Variants in SHB observed in about 807,000 individuals in gnomAD.
The protein encoded by SHB is SH2 domain containing adaptor protein B, also known as SH2 domain-containing adapter protein B.
A neutral mutation model predicts 52.3 loss-of-function variants in SHB; 20 were observed. That is an observed-to-expected ratio of 0.38 (90% CI 0.27 to 0.56). SHB has a LOEUF of 0.56. Ranked by LOEUF, SHB falls within the 20% of genes least tolerant of loss-of-function variation. SHB has a pLI of 0.71. For synonymous variants in SHB, 397 were observed against 316.5 expected (o/e 1.25, Z -2.70); for missense variants, 825 against 723.3 (o/e 1.14, Z -1.61).
chr9:38,048,587 T>G (rs1254613131), intron 1 of SHB, among the ~76,000 whole-genome samples: 1 of 152,210 alleles, frequency 6.6e-6, no homozygotes, highest in African/African-American at 2.4e-5. Context: ...TGAGCTATGA[T>G]GGCACTGTTG....
chr9:38,022,337 G>A lies in SHB; in HGVS notation c.718-6206C>T, dbSNP rs994620077. Among the ~76,000 whole-genome samples, 6 of 152,116 alleles carry A rather than the reference G, an allele frequency of 3.9e-5. No homozygotes were observed. In the South Asian group the frequency reaches 6.2e-4, roughly 16 times the overall value. On this transcript the variant is annotated intron_variant, in intron 1 of 5. Coordinates refer to ENST00000377707, the MANE Select transcript of SHB (RefSeq NM_003028.3). Reference sequence around the variant, plus strand: ...AAGGCAGCAGGTGCACAGATGCGACGCGTCGACTGCATCGTAATTCAACAC... The same window carrying A: ...AAGGCAGCAGGTGCACAGATGCGACACGTCGACTGCATCGTAATTCAACAC...
In SHB at chr9:37,974,644, C is replaced by T; in HGVS notation, c.1032G>A (p.Arg344=). 6.2e-7 allele frequency: 1 copy of T among 1,613,128 alleles called. No individual in the cohort carries two copies. The highest frequency in any genetic ancestry group is 8.5e-7 in the Non-Finnish European group (1 of 1,179,870). The change falls in exon 3 of 6, where the codon CGG becomes CGA. Residue 344 remains arginine (R), a synonymous_variant. Transcript: ENST00000377707. ...DEYDQPWEWN[R]VTIPALAAQF... ...TACCTGCCAGGGCTGGGATGGTGAC[C>T]CGGTTCCACTCCCAAGGCTGGTCGT...
chr9:37,976,669 C>T (rs1056885224), intron 2 of SHB, among the ~76,000 whole-genome samples: 5 of 152,066 alleles, frequency 3.3e-5, no homozygotes, highest in Non-Finnish European at 1.5e-5. Flanking sequence ...GTATATTCAC[C>T]GTCCATGTTG....
chr9:37,977,854 C>T (rs573637458), intron 2 of SHB, among the ~76,000 whole-genome samples: 1 of 152,290 alleles, frequency 6.6e-6, no homozygotes, highest in South Asian at 2.1e-4. Context: ...AAAAGCAGGA[C>T]CAGCAACCAC....
chr9:37,981,244 C>T (rs1393430073), intron 2 of SHB, among the ~76,000 whole-genome samples: 2 of 152,224 alleles, frequency 1.3e-5, no homozygotes, highest in African/African-American at 2.4e-5. Flanking sequence ...CCACCTTCAT[C>T]GATGACCTCA....
chr9:38,015,656 C>G (rs1203771724), intron 2 of SHB, among the ~76,000 whole-genome samples: 1 of 152,216 alleles, frequency 6.6e-6, no homozygotes, highest in Non-Finnish European at 1.5e-5. Flanking sequence ...CTACGAAGCT[C>G]TAAGTAAAGT....
chr9:37,931,881 T>C (rs1347782081), intron 5 of SHB, among the ~76,000 whole-genome samples: 3 of 152,328 alleles, frequency 2.0e-5, no homozygotes, highest in Middle Eastern at 3.4e-3. Flanking sequence ...CTGTGGTGTA[T>C]GTATGACAGA....
At chr9:37,995,673 G>A (rs183461848) in intron 2 of SHB, among the ~76,000 whole-genome samples, 1 of 152,302 alleles carries the variant, frequency 6.6e-6, no homozygotes, top group East Asian at 1.9e-4. Flanking sequence ...ATTAATATCA[G>A]AAGGAATATT....
At chr9:37,947,596 T>C (rs1335386783) in intron 5 of SHB, among the ~76,000 whole-genome samples, 1 of 152,222 alleles carries the variant, frequency 6.6e-6, no homozygotes, top group African/African-American at 2.4e-5. Context: ...CTGCAGTTTG[T>C]CACTGTCTCT....
At chr9:38,066,644 C>G (rs1408236766) in intron 1 of SHB, among the ~76,000 whole-genome samples, 2 of 152,196 alleles carry the variant, frequency 1.3e-5, no homozygotes, top group African/African-American at 4.8e-5. Context: ...GTGGGATCTT[C>G]CACGGACTGC....
intron 2 of SHB, among the ~76,000 whole-genome samples, chr9:37,988,294 C>T (rs1820836588): frequency 6.6e-6 from 1 of 152,202 alleles, no homozygotes; most frequent in Non-Finnish European, 1.5e-5. Context: ...TGGCCAGCTG[C>T]CTGATCCATC....
intron 5 of SHB, among the ~76,000 whole-genome samples, chr9:37,945,157 CCAGA>C (rs1401185936): frequency 6.6e-6 from 1 of 152,218 alleles, no homozygotes; most frequent in African/African-American, 2.4e-5. Flanking sequence ...ATGAAAATGG[CCAGA>C]GGCGGATAAC....
At position 37,918,360 on chromosome 9, in the gene SHB, C is replaced by T. The variant is rs532408866; in HGVS notation, c.*1461G>A. 1.5e-4 allele frequency among the ~76,000 whole-genome samples: 22 copies of T among 147,540 alleles called. No individual in the cohort carries two copies. In the South Asian group the frequency reaches 4.8e-3, roughly 32 times the overall value. On this transcript the variant is annotated 3_prime_UTR_variant, in exon 6 of 6. Coordinates refer to ENST00000377707, the MANE Select transcript of SHB (RefSeq NM_003028.3). ...CTGCTATGGCAAGCAAGAGAGAGGTCGCGTGTGCGTGTGCGTGTGTAGGTG... is the reference window on the plus strand; with the variant it reads ...CTGCTATGGCAAGCAAGAGAGAGGTTGCGTGTGCGTGTGCGTGTGTAGGTG...
intron 2 of SHB, among the ~76,000 whole-genome samples, chr9:37,995,033 G>A (rs1411795510): frequency 6.6e-6 from 1 of 152,146 alleles, no homozygotes; most frequent in Non-Finnish European, 1.5e-5. Flanking sequence ...TCATCTGCTT[G>A]CATTTGGCAC....
chr9:38,067,328 G>A (rs774946836), intron 1 of SHB, among the ~76,000 whole-genome samples: 2 of 152,168 alleles, frequency 1.3e-5, no homozygotes, highest in African/African-American at 4.8e-5. Flanking sequence ...CATTTCAACC[G>A]GAAAAGCACG....
At chr9:37,945,282 C>T (rs557776138) in intron 5 of SHB, among the ~76,000 whole-genome samples, 1 of 152,348 alleles carries the variant, frequency 6.6e-6, no homozygotes, top group South Asian at 2.1e-4. Flanking sequence ...AGAGATCAGG[C>T]CCCTCACTTG....
intron 2 of SHB, among the ~76,000 whole-genome samples, chr9:37,980,613 T>TA (rs1820713374): frequency 6.6e-6 from 1 of 152,232 alleles, no homozygotes. Flanking sequence ...CAAATGTACT[T>TA]AATGGCTTCT....
intron 2 of SHB, among the ~76,000 whole-genome samples, chr9:37,994,179 G>A (rs1267850983): frequency 1.3e-5 from 2 of 152,224 alleles, no homozygotes; most frequent in Non-Finnish European, 2.9e-5. Context: ...AGAGTAGAAA[G>A]TGACCATGAG....
At position 38,068,584 on chromosome 9, in the gene SHB, T is replaced by C. The variant is rs768284156; in HGVS notation, c.62A>G (p.Gln21Arg). The stretch of plus-strand genomic sequence containing the variant: ...CTCGCGGTAGTCTGGCCGCGGCGGC[T>C]GCGGGGGGCTCTTGGTCTTGCTGTT... ...LGNSKTKSPP[Q>R]PPRPDYREQR... Residue 21 changes from glutamine (Q) to arginine (R), a missense_variant, in exon 1 of 6, where the codon CAG (glutamine) becomes CGG (arginine). By Grantham distance (43) the Gln-to-Arg change is conservative. Transcript: ENST00000377707. 1.1e-5 allele frequency: 16 copies of C among 1,487,014 alleles called. No individual in the cohort carries two copies. Among genetic ancestry groups the C allele is most frequent in the Non-Finnish European group, 1.4e-5 (16 of 1,130,044 alleles). 92.1% of individuals were successfully genotyped at this position (1,487,014 alleles called of 1,614,324 possible).
Sources: allele counts gnomAD v4.1 joint callset (sites outside exome capture counted in the v4.1 genomes callset), GRCh38; gene constraint gnomAD v4.1.1; transcripts MANE v1.5; gene names NCBI Gene and HGNC (gene_info 2026-07-23, HGNC 2026-07-21).